The following ATP6V1E1 variants were observed in gnomAD, a reference collection of about 807,000 sequenced individuals.
ATP6V1E1 encodes ATPase H+ transporting V1 subunit E1.
Under a neutral mutation model 35.2 loss-of-function variants are expected in ATP6V1E1, and 21 were observed. The observed-to-expected ratio is 0.60, with a 90% CI of 0.42 to 0.86. The LOEUF is 0.86. ATP6V1E1 is among the 40% of genes least tolerant of loss of function. ATP6V1E1 has a pLI of 0.00. For missense variants in ATP6V1E1, 183 were observed against 272.6 expected (o/e 0.67, Z 2.32); for synonymous variants, 83 against 87.8 (o/e 0.95, Z 0.30).
chr22:17,618,966 C>T (rs547341110), intron 2 of ATP6V1E1: 1 of 453,424 alleles, frequency 2.2e-6, no homozygotes, highest in South Asian at 1.6e-5. Flanking sequence ...GGCCACTGCA[C>T]TGCAGTCCCA....
intron 2 of ATP6V1E1, chr22:17,619,029 C>T: frequency 2.2e-6 from 1 of 454,326 alleles, no homozygotes; most frequent in East Asian, 6.9e-5. Context: ...CACTGTGGCT[C>T]ATACCTGTAA....
At chr22:17,611,283 T>TC (rs1031451938) in intron 4 of ATP6V1E1, among the ~76,000 whole-genome samples, 4 of 152,206 alleles carry the variant, frequency 2.6e-5, no homozygotes, top group African/African-American at 4.8e-5. Context: ...AGGCAACATT[T>TC]CCCCAGGAAA....
intron 6 of ATP6V1E1, among the ~76,000 whole-genome samples, chr22:17,598,584 T>TC (rs34693170): frequency 0.021 from 3,114 of 151,300 alleles, 40 homozygotes; most frequent in Non-Finnish European, 0.023. Flanking sequence ...GATACATTAT[T>TC]CCCCCAGCTG....
At chr22:17,599,339 G>C (rs2057749522) in intron 6 of ATP6V1E1, among the ~76,000 whole-genome samples, 1 of 151,792 alleles carries the variant, frequency 6.6e-6, no homozygotes, top group Non-Finnish European at 1.5e-5. Context: ...CACTTTGGGA[G>C]GCTGAGACAG....
intron 4 of ATP6V1E1, among the ~76,000 whole-genome samples, chr22:17,603,059 C>A (rs1361580456): frequency 6.6e-6 from 1 of 152,170 alleles, no homozygotes; most frequent in Non-Finnish European, 1.5e-5. Flanking sequence ...CGGGTTCAAG[C>A]GATTCTCCCA....
At chr22:17,604,826 T>C (rs962163206) in intron 4 of ATP6V1E1, among the ~76,000 whole-genome samples, 6 of 152,122 alleles carry the variant, frequency 3.9e-5, no homozygotes, top group African/African-American at 1.4e-4. Context: ...CAAAGACATT[T>C]ATTTCTATTT....
At chr22:17,628,294 T>A (rs937850852) in intron 1 of ATP6V1E1, among the ~76,000 whole-genome samples, 1 of 152,192 alleles carries the variant, frequency 6.6e-6, no homozygotes, top group African/African-American at 2.4e-5. Flanking sequence ...CTTGCACAGA[T>A]CTCTGTCCGA....
At chr22:17,618,596 G>A (rs938409526) in intron 2 of ATP6V1E1, among the ~76,000 whole-genome samples, 12 of 151,290 alleles carry the variant, frequency 7.9e-5, no homozygotes, top group African/African-American at 2.4e-4. Context: ...GCAAGAGAAC[G>A]GTGTGAACCT....
chr22:17,626,326 A>G (rs1292268166), intron 1 of ATP6V1E1, among the ~76,000 whole-genome samples: 2 of 54,704 alleles, frequency 3.7e-5, no homozygotes, highest in African/African-American at 2.6e-4. Context: ...AAAAAAAAAA[A>G]AAGAAAGAAA....
intron 1 of ATP6V1E1, among the ~76,000 whole-genome samples, chr22:17,624,634 C>T (rs895480778): frequency 1.1e-4 from 17 of 152,172 alleles, no homozygotes; most frequent in East Asian, 3.9e-4. Context: ...GCCTGGCCAA[C>T]GTGGCGAATT....
At chr22:17,625,359 A>G (rs956275968) in intron 1 of ATP6V1E1, among the ~76,000 whole-genome samples, 1 of 152,152 alleles carries the variant, frequency 6.6e-6, no homozygotes, top group Non-Finnish European at 1.5e-5. Context: ...TCTGGGTTCA[A>G]GCGATTCTCC....
chr22:17,599,979 AAGGGAGGGGGGAGGG>A lies in ATP6V1E1; in HGVS notation c.435+33_435+47del, dbSNP rs754204517. On this transcript the variant is annotated intron_variant, in intron 6 of 8. Coordinates refer to ENST00000253413, the MANE Select transcript of ATP6V1E1 (RefSeq NM_001696.4). ...AAAGAAAGAGAGAGGGGAAGGAAGA[AAGGGAGGGGGGAGGG>A]AGGGAGGGAAAAAATTATCCTAAGT... The A allele has an allele frequency of 3.3e-6, 4 of 1,208,872 alleles. No individual in the cohort carries two copies. In the South Asian group the frequency reaches 4.9e-5, roughly 15 times the overall value. 74.9% of individuals were successfully genotyped at this position (1,208,872 alleles called of 1,614,324 possible). A position where few individuals can be genotyped will look rare whatever the true frequency, so the allele number is the denominator to read the frequency against.
chr22:17,616,300 A>T (rs1256803228), intron 2 of ATP6V1E1, among the ~76,000 whole-genome samples: 1 of 152,184 alleles, frequency 6.6e-6, no homozygotes, highest in Non-Finnish European at 1.5e-5. Context: ...GTGAGCCGAC[A>T]TTGCACCACT....
At chr22:17,597,935 C>A (rs2057740718) in intron 7 of ATP6V1E1, 2 of 423,692 alleles carry the variant, frequency 4.7e-6, no homozygotes, top group African/African-American at 2.0e-5. Context: ...CCTCAGCCTC[C>A]CAAAGTGTTG....
At chr22:17,594,148 G>A (rs1480087821) in intron 8 of ATP6V1E1, among the ~76,000 whole-genome samples, 1 of 152,062 alleles carries the variant, frequency 6.6e-6, no homozygotes, top group Non-Finnish European at 1.5e-5. Context: ...GTTGCAGTGA[G>A]CCAAGACTGC....
At chr22:17,614,697 G>A (rs9604772) in intron 2 of ATP6V1E1, among the ~76,000 whole-genome samples, 19,241 of 150,290 alleles carry the variant, frequency 0.13, 1,308 homozygotes, top group Middle Eastern at 0.22. Flanking sequence ...GCCTGGGCAC[G>A]GTGGCTCACA....
chr22:17,617,800 C>CTTTTTAT (rs1314038396), intron 2 of ATP6V1E1, among the ~76,000 whole-genome samples: 1 of 151,984 alleles, frequency 6.6e-6, no homozygotes, highest in African/African-American at 2.4e-5. Flanking sequence ...TACTTCCAAA[C>CTTTTTAT]TTTTTATTTT....
intron 8 of ATP6V1E1, 89 bp from the exon 9 acceptor site, chr22:17,592,825 C>G: frequency 9.1e-7 from 1 of 1,099,152 alleles, no homozygotes; most frequent in South Asian, 1.3e-5. Context: ...TTTTTTGAGA[C>G]GGAGTCTCGC....
At position 17,613,210 on chromosome 22, in the gene ATP6V1E1, C is replaced by A; in HGVS notation, c.209+1G>T. 1.9e-6 allele frequency: 3 copies of A among 1,609,606 alleles called. No individual in the cohort carries two copies. Among genetic ancestry groups the A allele is most frequent in the Non-Finnish European group, 2.5e-6 (3 of 1,177,944 alleles). ...TAATACTGCAACCAGGATCTACTTA[C>A]ATTTTCTTCTGCTGCTCAATCTGTT... On this transcript the variant is annotated splice_donor_variant, in intron 3 of 8. Coordinates refer to ENST00000253413, the MANE Select transcript of ATP6V1E1 (RefSeq NM_001696.4). LOFTEE classifies it high-confidence loss of function.
Sources: allele counts gnomAD v4.1 joint callset (sites outside exome capture counted in the v4.1 genomes callset), GRCh38; gene constraint gnomAD v4.1.1; transcripts MANE v1.5; gene names NCBI Gene and HGNC (gene_info 2026-07-23, HGNC 2026-07-21).